C6: variants seen among roughly 807,000 people sequenced by gnomAD.
C6 encodes complement C6, also known as complement component C6.
C6 carries 101 observed loss-of-function variants against 112.9 expected under a neutral mutation model. The observed-to-expected ratio is 0.89, with a 90% CI of 0.76 to 1.06. The LOEUF (loss-of-function observed/expected upper bound fraction) is 1.06, where lower values mean the gene tolerates loss of function less well. C6 is among the 50% of genes least tolerant of loss of function. The pLI is 0.00. For missense variants in C6, 1,202 were observed against 1,104.6 expected (o/e 1.09, Z -1.25); for synonymous variants, 431 against 384.1 (o/e 1.12, Z -1.43).
rs1747168564 is a variant in C6 at position 41,158,746 on chromosome 5, C to T, written c.1896G>A (p.Glu632=). The T allele has an allele frequency of 1.9e-6, 3 of 1,609,616 alleles. No homozygotes were observed. Among genetic ancestry groups the T allele is most frequent in the Non-Finnish European group, 2.6e-6 (3 of 1,176,152 alleles). The change falls in exon 13 of 18, where the codon GAG becomes GAA. Residue 632 remains glutamate, a synonymous_variant. Transcript: ENST00000337836. Reference sequence around the variant, plus strand: ...CTGCTTCTATCTCAGGAAGATCGACCTCTTTCATTTCTTCGTCATCATTGA... The same window carrying T: ...CTGCTTCTATCTCAGGAAGATCGACTTCTTTCATTTCTTCGTCATCATTGA... The part of the protein sequence containing the change: ...PCINDDEEMK[E]VDLPEIEADS...
chr5:41,259,865 T>G (rs183544141), intron 1 of C6, among the ~76,000 whole-genome samples: 1 of 152,302 alleles, frequency 6.6e-6, no homozygotes, highest in African/African-American at 2.4e-5. Flanking sequence ...TTATGATGCG[T>G]CAGTTCTTCC....
At chr5:41,233,249 C>T (rs1740020499) in intron 1 of C6, among the ~76,000 whole-genome samples, 2 of 152,048 alleles carry the variant, frequency 1.3e-5, no homozygotes, top group Non-Finnish European at 2.9e-5. Context: ...ACTACTCATT[C>T]TGGTCATTAT....
intron 3 of C6, among the ~76,000 whole-genome samples, 180 bp from the exon 4 acceptor site, chr5:41,200,092 G>A (rs886287225): frequency 3.3e-5 from 5 of 152,114 alleles, no homozygotes; most frequent in Non-Finnish European, 7.4e-5. Flanking sequence ...TCACCTCTGT[G>A]GATCTCTGTT....
chr5:41,243,264 C>T (rs1409534574), intron 1 of C6, among the ~76,000 whole-genome samples: 1 of 152,112 alleles, frequency 6.6e-6, no homozygotes, highest in African/African-American at 2.4e-5. Context: ...CATCACTTTA[C>T]CTCCACACAT....
At position 41,240,779 on chromosome 5, in the gene C6, G is replaced by A. The variant is rs572001867; in HGVS notation, c.-21+20415C>T. ...TGTGCCCAGAGTGACCGATGGGGTG[G>A]GGTGATACCCCAGGTCCCTTAGTGG... On this transcript the variant is annotated intron_variant, in intron 1 of 17. Coordinates refer to the C6 transcript ENST00000263413. Among the ~76,000 whole-genome samples the A allele has an allele frequency of 4.6e-5, 7 of 152,230 alleles. No homozygotes were observed. The South Asian group carries it at 1.5e-3, about 32-fold the overall frequency.
intron 11 of C6, 47 bp from the exon 12 acceptor site, chr5:41,159,300 T>C (rs1747246738): frequency 3.8e-6 from 6 of 1,599,150 alleles, no homozygotes; most frequent in African/African-American, 1.3e-5. Flanking sequence ...TGCAGCTGAA[T>C]TTGGGTTTGG....
At chr5:41,180,482 G>A (rs1470044390) in intron 7 of C6, among the ~76,000 whole-genome samples, 2 of 149,252 alleles carry the variant, frequency 1.3e-5, no homozygotes, top group African/African-American at 5.2e-5. Flanking sequence ...AAAATAATAG[G>A]AGAAAAAGGA....
chr5:41,161,625 G>T, intron 10 of C6, 68 bp downstream of exon 10: 1 of 1,204,522 alleles, frequency 8.3e-7, no homozygotes, highest in Non-Finnish European at 1.2e-6. Flanking sequence ...AATAAATTGT[G>T]TGATGTGCAA....
intron 1 of C6, among the ~76,000 whole-genome samples, chr5:41,240,965 C>T (rs796983978): frequency 2.0e-5 from 3 of 152,142 alleles, no homozygotes; most frequent in South Asian, 4.1e-4. Context: ...GCCCCTGATG[C>T]TATGTGTGTG....
chr5:41,232,580 T>A (rs1383807548), intron 1 of C6, among the ~76,000 whole-genome samples: 4 of 152,154 alleles, frequency 2.6e-5, no homozygotes. Flanking sequence ...GGTTGTTTTT[T>A]AAAAAGCAGG....
chr5:41,152,108 A>G (rs1409552393), intron 15 of C6, among the ~76,000 whole-genome samples: 1 of 152,178 alleles, frequency 6.6e-6, no homozygotes, highest in African/African-American at 2.4e-5. Flanking sequence ...TCAAGTAATT[A>G]TAATAACGGA....
intron 8 of C6, among the ~76,000 whole-genome samples, chr5:41,176,074 G>A (rs913124112): frequency 6.6e-6 from 1 of 152,148 alleles, no homozygotes; most frequent in African/African-American, 2.4e-5. Flanking sequence ...ATTGCTTTAT[G>A]AAATTATATC....
chr5:41,154,948 C>T, intron 14 of C6, 24 bp downstream of exon 14: 3 of 1,612,836 alleles, frequency 1.9e-6, no homozygotes. Context: ...AGTAGTCAAG[C>T]AAAATTGTTT....
chr5:41,201,752 A>G (rs753596518), intron 2 of C6, 38 bp from the exon 3 acceptor site: 3 of 1,517,668 alleles, frequency 2.0e-6, no homozygotes, highest in Non-Finnish European at 1.8e-6. Context: ...GAATGAGTGT[A>G]TTCACCATAT....
At chr5:41,182,171 G>A (rs1197840184) in intron 6 of C6, among the ~76,000 whole-genome samples, 4 of 151,836 alleles carry the variant, frequency 2.6e-5, no homozygotes, top group African/African-American at 9.7e-5. Context: ...TAAAAAGCAT[G>A]CATTTCCCTA....
chr5:41,258,573 G>A (rs117331135), intron 1 of C6, among the ~76,000 whole-genome samples: 1 of 152,160 alleles, frequency 6.6e-6, no homozygotes, highest in Non-Finnish European at 1.5e-5. Context: ...ATTTTTGAAA[G>A]CTTCAAAGAA....
intron 5 of C6, among the ~76,000 whole-genome samples, chr5:41,192,290 A>C (rs1227433612): frequency 1.3e-5 from 2 of 152,094 alleles, no homozygotes; most frequent in Non-Finnish European, 2.9e-5. Flanking sequence ...TCTGTTTGCT[A>C]GTATTTTGCT....
At chr5:41,175,253 C>G (rs142602734) in intron 8 of C6, among the ~76,000 whole-genome samples, 1 of 152,316 alleles carries the variant, frequency 6.6e-6, no homozygotes, top group African/African-American at 2.4e-5. Context: ...ACAGATGTCA[C>G]AGCTAGATCA....
intron 4 of C6, among the ~76,000 whole-genome samples, chr5:41,196,724 A>AT (rs2150356526): frequency 6.6e-6 from 1 of 151,938 alleles, no homozygotes; most frequent in South Asian, 2.1e-4. Flanking sequence ...TGCTATATCT[A>AT]TTTTTTGGAC....
Sources: allele counts gnomAD v4.1 joint callset (sites outside exome capture counted in the v4.1 genomes callset), GRCh38; gene constraint gnomAD v4.1.1; transcripts MANE v1.5; gene names NCBI Gene and HGNC (gene_info 2026-07-23, HGNC 2026-07-21).